Variants in CASZ1 observed in about 807,000 individuals in gnomAD.
CASZ1 encodes castor zinc finger 1.
A neutral mutation model predicts 135.2 loss-of-function variants in CASZ1; 28 were observed. That is an observed-to-expected ratio of 0.21 (90% CI 0.15 to 0.28). The LOEUF (loss-of-function observed/expected upper bound fraction) is 0.28. CASZ1 is among the 10% of genes least tolerant of loss of function. CASZ1 has a pLI of 1.00. For synonymous variants in CASZ1, 1,068 were observed against 1,073.4 expected, an observed-to-expected ratio of 0.99 and a Z score of 0.10; for missense variants, 2,161 against 2,453.3, an observed-to-expected ratio of 0.88 and a Z score of 2.52.
chr1:10,695,771 G>T (rs1167576632), intron 3 of CASZ1, among the ~76,000 whole-genome samples: 1 of 152,144 alleles, frequency 6.6e-6, no homozygotes, highest in African/African-American at 2.4e-5. Flanking sequence ...AGATGTCCCT[G>T]CTGCAGCCAT....
intron 20 of CASZ1, among the ~76,000 whole-genome samples, chr1:10,640,285 A>ACACAG (rs1642157050): frequency 6.6e-6 from 1 of 152,152 alleles, no homozygotes; most frequent in Admixed American, 6.5e-5. Flanking sequence ...CAGAAGGGCC[A>ACACAG]CACAGGCCTC....
rs920837900 is a variant in CASZ1 at position 10,717,285 on chromosome 1, C to A, written c.-76-11741G>T. Among the ~76,000 whole-genome samples, 6 of 152,204 alleles carry A rather than the reference C, an allele frequency of 3.9e-5. No homozygotes were observed. The highest frequency in any genetic ancestry group is 3.3e-4 in the Admixed American group (5 of 15,292). ...CACCCCACCCCCAGCCTCTGCAGCT[C>A]CCCAGTTCCCCAAACTTCCCACTTG... is the stretch of plus-strand genomic sequence containing the variant. On this transcript the variant is annotated intron_variant, in intron 2 of 20. Coordinates refer to ENST00000377022, the MANE Select transcript of CASZ1 (RefSeq NM_001079843.3). This position sits in a 1 kb window ranked among gnomAD's most constrained non-coding sequence, Gnocchi z 4.6.
chr1:10,757,816 C>T lies in CASZ1; in HGVS notation c.-77+2885G>A, dbSNP rs1448229192. Among the ~76,000 whole-genome samples, 3 of 151,952 alleles carry T rather than the reference C, an allele frequency of 2.0e-5. No homozygotes were observed. The highest frequency in any genetic ancestry group is 4.4e-5 in the Non-Finnish European group (3 of 67,952). ...CAAAAAACAAAAAACAGAAAACCATCACATCACTTTACCTCTGGCTCAAAA... is the reference window on the plus strand; with the variant it reads ...CAAAAAACAAAAAACAGAAAACCATTACATCACTTTACCTCTGGCTCAAAA... On this transcript the variant is annotated intron_variant, in intron 2 of 20. Transcript: ENST00000377022. The surrounding 1 kb of genome is among the most constrained non-coding windows in gnomAD (Gnocchi z 4.6).
In CASZ1 at chr1:10,755,830, G is replaced by C. The variant is rs921662063; in HGVS notation, c.-77+4871C>G. On this transcript the variant is annotated intron_variant, in intron 2 of 20. Coordinates refer to ENST00000377022, the MANE Select transcript of CASZ1 (RefSeq NM_001079843.3). This position sits in a 1 kb window ranked among gnomAD's most constrained non-coding sequence, Gnocchi z 4.3. ...CTGGAGCACCACATCACGGTGGGAG[G>C]TGGGGAACCCTCCTGCTCCCACCCC... is the stretch of plus-strand genomic sequence containing the variant. Among the ~76,000 whole-genome samples the C allele has an allele frequency of 6.6e-6, 1 of 151,986 alleles. No homozygotes were observed. Among genetic ancestry groups the C allele is most frequent in the African/African-American group, 2.4e-5 (1 of 41,374 alleles).
chr1:10,790,447 C>T (rs556016955), intron 1 of CASZ1, among the ~76,000 whole-genome samples: 2 of 152,314 alleles, frequency 1.3e-5, no homozygotes, highest in East Asian at 3.9e-4. Context: ...GCTTGTTTGC[C>T]TCTCTTCGGT....
Position 10,679,011 on chromosome 1 carries a change from C to T in CASZ1, c.17-13440G>A, listed in dbSNP as rs1570463899. 6.6e-6 allele frequency among the ~76,000 whole-genome samples: 1 copy of T among 152,244 alleles called. No homozygotes were observed. The highest frequency in any genetic ancestry group is 2.4e-5 in the African/African-American group (1 of 41,552). On this transcript the variant is annotated intron_variant, in intron 4 of 20. Transcript: ENST00000377022. This position sits in a 1 kb window ranked among gnomAD's most constrained non-coding sequence, Gnocchi z 4.7. The stretch of plus-strand genomic sequence containing the variant: ...GTCTGCCCGCCCGCTGTGAGCCAGC[C>T]CACCCCTGGCTTCCGCTCTCTGGCT...
rs1640245210 is a variant in CASZ1, at chr1:10,755,897, C to T, written c.-77+4804G>A. ...CAGCTGCAGGCCATGGAGCTGCCAG[C>T]CTCACATCAGATCAAAGCCCTGGAG... is the stretch of plus-strand genomic sequence containing the variant. On this transcript the variant is annotated intron_variant, in intron 2 of 20. Coordinates refer to ENST00000377022, the MANE Select transcript of CASZ1 (RefSeq NM_001079843.3). This position sits in a 1 kb window ranked among gnomAD's most constrained non-coding sequence, Gnocchi z 4.3. Among the ~76,000 whole-genome samples, 1 of 151,810 alleles carries T rather than the reference C, an allele frequency of 6.6e-6. No homozygotes were observed. The highest frequency in any genetic ancestry group is 1.5e-5 in the Non-Finnish European group (1 of 67,946).
At chr1:10,686,135 G>T (rs1036347167) in intron 4 of CASZ1, among the ~76,000 whole-genome samples, 10 of 151,624 alleles carry the variant, frequency 6.6e-5, no homozygotes, top group Admixed American at 6.5e-4. Flanking sequence ...ACGGGGGCCT[G>T]TGGGCGCCTG....
In CASZ1 at chr1:10,676,174, T is replaced by A. The variant is rs1030381798; in HGVS notation, c.17-10603A>T. On this transcript the variant is annotated intron_variant, in intron 4 of 20. Coordinates refer to ENST00000377022, the MANE Select transcript of CASZ1 (RefSeq NM_001079843.3). The surrounding 1 kb of genome is among the most constrained non-coding windows in gnomAD (Gnocchi z 4.5). ...ACCCCTGAGGGTCACACAGAATGTGTGATCTCAGGGTGGTGACAAACCCAT... is the reference window on the plus strand; with the variant it reads ...ACCCCTGAGGGTCACACAGAATGTGAGATCTCAGGGTGGTGACAAACCCAT... 6.6e-6 allele frequency among the ~76,000 whole-genome samples: 1 copy of A among 152,138 alleles called. No individual in the cohort carries two copies. The highest frequency in any genetic ancestry group is 2.4e-5 in the African/African-American group (1 of 41,438).
rs1030335320 is a variant in CASZ1, at chr1:10,709,735, C to T, written c.-76-4191G>A. Among the ~76,000 whole-genome samples, 7 of 152,138 alleles carry T rather than the reference C, an allele frequency of 4.6e-5. No homozygotes were observed. In the East Asian group the frequency reaches 5.8e-4, roughly 13 times the overall value. On this transcript the variant is annotated intron_variant, in intron 2 of 20. Coordinates refer to ENST00000377022, the MANE Select transcript of CASZ1 (RefSeq NM_001079843.3). This position sits in a 1 kb window ranked among gnomAD's most constrained non-coding sequence, Gnocchi z 5.1. ...CCCAGGCAGGGGCTGAGCAGTGCCC[C>T]GGGCAGTGCCGCAGGGGGATGCGCA...
At chr1:10,671,272 G>T (rs1349362245) in intron 4 of CASZ1, among the ~76,000 whole-genome samples, 2 of 152,178 alleles carry the variant, frequency 1.3e-5, no homozygotes, top group Non-Finnish European at 1.5e-5. Flanking sequence ...ACCCAGGGGA[G>T]ATTTAAAACA....
At chr1:10,796,471 G>C (rs1256284823) in intron 1 of CASZ1, 93 bp downstream of exon 1, 2 of 152,050 alleles carry the variant, frequency 1.3e-5, no homozygotes, top group Non-Finnish European at 2.9e-5. Flanking sequence ...GGGGTGCACC[G>C]GGACAGGGGG....
At chr1:10,703,586 C>T (rs927945004) in intron 3 of CASZ1, among the ~76,000 whole-genome samples, 1 of 152,090 alleles carries the variant, frequency 6.6e-6, no homozygotes, top group African/African-American at 2.4e-5. Context: ...AAATAGAAGA[C>T]CCAGGGCTGC....
intron 15 of CASZ1, chr1:10,648,388 G>A (rs1570406533): frequency 2.3e-6 from 1 of 439,410 alleles, no homozygotes; most frequent in Non-Finnish European, 4.0e-6. Context: ...CCCTTCCTCG[G>A]TCCCCAGCTC....
Position 10,736,025 on chromosome 1 carries a change from G to T in CASZ1, c.-77+24676C>A, listed in dbSNP as rs536956991. The stretch of plus-strand genomic sequence containing the variant: ...CATTAAAGGCAGAGGAAACCCCAAA[G>T]ATCACTCTGTCCTGCAACAGACCAC... On this transcript the variant is annotated intron_variant, in intron 2 of 20. Transcript: ENST00000377022. 3.9e-5 allele frequency among the ~76,000 whole-genome samples: 6 copies of T among 152,282 alleles called. No homozygotes were observed. The South Asian group carries it at 1.2e-3, about 32-fold the overall frequency.
intron 4 of CASZ1, among the ~76,000 whole-genome samples, chr1:10,677,623 C>G (rs189116359): frequency 1.3e-5 from 2 of 152,192 alleles, no homozygotes; most frequent in African/African-American, 4.8e-5. Flanking sequence ...GACCGAGGTC[C>G]AAGAGGCTGA....
At chr1:10,780,843 G>A in intron 1 of CASZ1, among the ~76,000 whole-genome samples, 1 of 152,102 alleles carries the variant, frequency 6.6e-6, no homozygotes, top group Admixed American at 6.5e-5. Flanking sequence ...TTTCCTGCCA[G>A]GTACAATGGG....
At chr1:10,683,012 G>A (rs1638477580) in intron 4 of CASZ1, among the ~76,000 whole-genome samples, 1 of 152,238 alleles carries the variant, frequency 6.6e-6, no homozygotes, top group African/African-American at 2.4e-5. Context: ...ATAAATAAAG[G>A]AGAGCCCGCT....
intron 20 of CASZ1, among the ~76,000 whole-genome samples, chr1:10,640,447 G>A (rs1642164091): frequency 6.6e-6 from 1 of 152,220 alleles, no homozygotes; most frequent in Non-Finnish European, 1.5e-5. Flanking sequence ...GTTGGACTCG[G>A]GCCAAGACGC....
Sources: gnomAD v4.1 joint callset for allele counts (sites outside exome capture counted in the v4.1 genomes callset) on GRCh38, gnomAD v4.1.1 for gene constraint, Gnocchi (gnomAD v3.1) non-coding constraint, MANE v1.5 for transcripts, NCBI Gene and HGNC (gene_info 2026-07-23, HGNC 2026-07-21) for gene names.